EMILIN2: variants seen among roughly 807,000 people sequenced by gnomAD.
EMILIN2 encodes the protein elastin microfibril interfacer 2.
EMILIN2 carries 71 observed loss-of-function variants against 87.1 expected under a neutral mutation model. The observed-to-expected ratio is 0.82, with a 90% CI of 0.67 to 0.99. EMILIN2 has a LOEUF of 0.99. Ranked by LOEUF, EMILIN2 falls within the 50% of genes least tolerant of loss-of-function variation. The pLI is 0.00. For missense variants in EMILIN2, 1,407 were observed against 1,371.8 expected, an observed-to-expected ratio of 1.03 and a Z score of -0.40; for synonymous variants, 581 against 563.4, an observed-to-expected ratio of 1.03 and a Z score of -0.44.
At chr18:2,849,064 A>G (rs1259099112) in intron 2 of EMILIN2, among the ~76,000 whole-genome samples, 1 of 152,200 alleles carries the variant, frequency 6.6e-6, no homozygotes, top group African/African-American at 2.4e-5. Flanking sequence ...CCTAATATAC[A>G]GTGGAAAACG....
intron 2 of EMILIN2, among the ~76,000 whole-genome samples, chr18:2,871,059 C>T (rs903055106): frequency 2.0e-5 from 3 of 152,152 alleles, no homozygotes; most frequent in African/African-American, 7.2e-5. Flanking sequence ...ACTTGATCAC[C>T]TCTGTAAAGA....
At chr18:2,889,133 C>CTTTTTTTTTTTTTTTTTTTTTTTTT (rs772439545) in intron 3 of EMILIN2, among the ~76,000 whole-genome samples, 4 of 84,356 alleles carry the variant, frequency 4.7e-5, no homozygotes, top group Non-Finnish European at 6.5e-5. Flanking sequence ...TCTTTCTTTT[C>CTTTTTTTTTTTTTTTTTTTTTTTTT]TTTTTTTTTT....
rs778986881 is a variant in EMILIN2, at chr18:2,913,011, A to G, written c.2825-56A>G. 21 of 1,577,232 alleles carry G rather than the reference A, an allele frequency of 1.3e-5. No individual in the cohort carries two copies. The African/African-American group carries it at 1.6e-4, about 12-fold the overall frequency. ...AATCACTGGGGGGCCACTTACTACC[A>G]TGGCAAGGGCTGTGACGACAGCAGG... On this transcript the variant is annotated intron_variant, in intron 7 of 7. Transcript: ENST00000254528.
Position 2,913,141 on chromosome 18 carries a change from G to T in EMILIN2, c.2899G>T (p.Glu967Ter), listed in dbSNP as rs758246437. The change falls in exon 8 of 8, where the codon GAA becomes TAA. Residue 967 changes from glutamate (E) to a stop codon, truncating the protein, a stop_gained. Transcript: ENST00000254528. LOFTEE classifies it high-confidence loss of function. ...TLTPERDAYVEAVLSVSNASV... is the reference protein window; with the variant it reads ...TLTPERDAYV ...CACCCCCGAGAGAGACGCCTACGTG[G>T]AAGCAGTGCTGTCGGTCTCCAACGC... 1 of 1,614,020 alleles carries T rather than the reference G, an allele frequency of 6.2e-7. No individual in the cohort carries two copies. The highest frequency in any genetic ancestry group is 1.7e-5 in the Admixed American group (1 of 60,026).
At chr18:2,869,926 A>G (rs2076711350) in intron 2 of EMILIN2, among the ~76,000 whole-genome samples, 1 of 152,104 alleles carries the variant, frequency 6.6e-6, no homozygotes, top group Non-Finnish European at 1.5e-5. Context: ...GATATGGGAA[A>G]TACATTACAG....
upstream of EMILIN2, chr18:2,846,759 C>A: frequency 1.0e-6 from 1 of 985,348 alleles, no homozygotes; most frequent in Non-Finnish European, 1.2e-6. This position sits in a 1 kb window ranked among gnomAD's most constrained non-coding sequence, Gnocchi z 5.3. Flanking sequence ...GAGGCGGAGT[C>A]GCTCGGCATC....
At chr18:2,883,549 T>C (rs2144022270) in intron 2 of EMILIN2, among the ~76,000 whole-genome samples, 1 of 152,332 alleles carries the variant, frequency 6.6e-6, no homozygotes, top group South Asian at 2.1e-4. Context: ...CCATCCTGTG[T>C]GGCTGTGGCT....
At chr18:2,897,895 T>C (rs1233662824) in intron 4 of EMILIN2, among the ~76,000 whole-genome samples, 1 of 151,720 alleles carries the variant, frequency 6.6e-6, no homozygotes, top group African/African-American at 2.4e-5. Context: ...GAGATCTCCC[T>C]TTTCAGCATT....
chr18:2,882,344 GCCAC>G (rs2076781001), intron 2 of EMILIN2, among the ~76,000 whole-genome samples: 1 of 152,166 alleles, frequency 6.6e-6, no homozygotes, highest in South Asian at 2.1e-4. Context: ...ATGCCTGGCT[GCCAC>G]CCCAGACCCC....
At chr18:2,871,686 A>G (rs2076720787) in intron 2 of EMILIN2, among the ~76,000 whole-genome samples, 4 of 152,212 alleles carry the variant, frequency 2.6e-5, no homozygotes, top group South Asian at 2.1e-4. Flanking sequence ...GAATTAGTTC[A>G]TGGCCTGTCA....
At chr18:2,869,437 C>G (rs1790992) in intron 2 of EMILIN2, among the ~76,000 whole-genome samples, 24 of 152,002 alleles carry the variant, frequency 1.6e-4, no homozygotes, top group African/African-American at 5.1e-4. Flanking sequence ...CCACGTACCC[C>G]CTCCCTGGGA....
chr18:2,876,610 CA>C (rs1283607857), intron 2 of EMILIN2, among the ~76,000 whole-genome samples: 2 of 139,664 alleles, frequency 1.4e-5, no homozygotes, highest in African/African-American at 5.3e-5. Flanking sequence ...ACTAAAAATA[CA>C]AAAAATTAGC....
At chr18:2,898,561 C>G (rs1389800683) in intron 4 of EMILIN2, among the ~76,000 whole-genome samples, 1 of 152,210 alleles carries the variant, frequency 6.6e-6, no homozygotes. Flanking sequence ...TCTCTTAGAT[C>G]TCAGCACACT....
intron 2 of EMILIN2, among the ~76,000 whole-genome samples, chr18:2,864,390 G>T (rs1291821066): frequency 3.9e-5 from 6 of 152,080 alleles, no homozygotes; most frequent in Non-Finnish European, 5.9e-5. Context: ...AGTGCTTCCT[G>T]CAGGAGCTCT....
intron 2 of EMILIN2, among the ~76,000 whole-genome samples, chr18:2,855,081 G>A (rs1386153123): frequency 1.3e-5 from 2 of 152,214 alleles, no homozygotes; most frequent in African/African-American, 4.8e-5. Flanking sequence ...CTCCTGCACG[G>A]GAGGGCTGGA....
At chr18:2,870,351 CAGAA>C (rs1598490198) in intron 2 of EMILIN2, among the ~76,000 whole-genome samples, 1 of 152,298 alleles carries the variant, frequency 6.6e-6, no homozygotes, top group East Asian at 1.9e-4. Context: ...TTTGAATTGT[CAGAA>C]AGCTCAACAG....
intron 4 of EMILIN2, among the ~76,000 whole-genome samples, chr18:2,898,957 A>G (rs1417006221): frequency 1.3e-5 from 2 of 152,222 alleles, no homozygotes; most frequent in African/African-American, 2.4e-5. Flanking sequence ...CCAGGTTTCT[A>G]CGATGCCCTT....
At chr18:2,871,079 C>T (rs2076717287) in intron 2 of EMILIN2, among the ~76,000 whole-genome samples, 1 of 152,156 alleles carries the variant, frequency 6.6e-6, no homozygotes, top group African/African-American at 2.4e-5. Flanking sequence ...ACCCTATCTC[C>T]AAATAAAGTC....
intron 3 of EMILIN2, among the ~76,000 whole-genome samples, chr18:2,888,453 C>A (rs35893115): frequency 1.3e-5 from 2 of 151,816 alleles, no homozygotes; most frequent in Admixed American, 6.6e-5. Flanking sequence ...CGGTGGCTCA[C>A]GTCTGTAATC....
Sources: gnomAD v4.1 joint callset for allele counts (sites outside exome capture counted in the v4.1 genomes callset) on GRCh38, gnomAD v4.1.1 for gene constraint, Gnocchi (gnomAD v3.1) non-coding constraint, MANE v1.5 for transcripts, NCBI Gene and HGNC (gene_info 2026-07-23, HGNC 2026-07-21) for gene names.